The following MTRF1 variants were observed in gnomAD, a reference collection of about 807,000 sequenced individuals.
MTRF1 encodes the protein mitochondrial translation release factor 1.
MTRF1 carries 51 observed loss-of-function variants against 62.9 expected under a neutral mutation model. The observed-to-expected ratio is 0.81, with a 90% CI of 0.65 to 1.02. The LOEUF is 1.02. MTRF1 is among the 50% of genes least tolerant of loss of function. MTRF1 has a pLI of 0.00. For synonymous variants in MTRF1, 158 were observed against 181.9 expected (o/e 0.87, Z 1.06); for missense variants, 446 against 530.0 (o/e 0.84, Z 1.56).
chr13:41,260,080 T>C (rs2040263429), intron 2 of MTRF1, among the ~76,000 whole-genome samples: 1 of 152,228 alleles, frequency 6.6e-6, no homozygotes, highest in African/African-American at 2.4e-5. Context: ...ACTTAGTACA[T>C]TGATCTTTAG....
the MTRF1 span, among the ~76,000 whole-genome samples, chr13:41,296,146 A>G: frequency 6.6e-6 from 1 of 152,092 alleles, no homozygotes; most frequent in African/African-American, 2.4e-5. Context: ...AGGTCTCCCT[A>G]TGTTGCCCAA....
intron 5 of MTRF1, among the ~76,000 whole-genome samples, chr13:41,249,619 C>CTTTTTTTTTTTATTTTTTTTT (rs2038774612): frequency 1.6e-5 from 1 of 61,530 alleles, no homozygotes; most frequent in Non-Finnish European, 2.7e-5. Context: ...ATTTTTTTTT[C>CTTTTTTTTTTTATTTTTTTTT]TTTTTTTTTT....
intron 2 of MTRF1, among the ~76,000 whole-genome samples, chr13:41,258,189 T>C (rs558707704): frequency 1.2e-4 from 19 of 152,158 alleles, no homozygotes; most frequent in Middle Eastern, 3.2e-3. Flanking sequence ...GTACCATCAA[T>C]AGAAGGCAGA....
At chr13:41,241,800 C>G (rs2037533753) in intron 5 of MTRF1, among the ~76,000 whole-genome samples, 1 of 152,210 alleles carries the variant, frequency 6.6e-6, no homozygotes, top group Admixed American at 6.5e-5. Context: ...CTGCTGCCCT[C>G]TGTATCGGCA....
chr13:41,237,243 T>C lies in MTRF1; in HGVS notation c.870+3018A>G, dbSNP rs150569917. On this transcript the variant is annotated intron_variant, in intron 6 of 9. Transcript: ENST00000379480. ...CAAAAAAAAAAAAAAAAAAAAAGAA[T>C]ATGACAATAAAAACAGGGTAAGTGG... Among the ~76,000 whole-genome samples the C allele has an allele frequency of 1.4e-3, 146 of 102,202 alleles. 1 individual carries two copies. The highest frequency in any genetic ancestry group is 0.011 in the Admixed American group (113 of 10,036). The allele number at this position is 102,202 out of a possible 152,430, so 67.0% of individuals were successfully genotyped here.
At chr13:41,297,769 G>A in the MTRF1 span, among the ~76,000 whole-genome samples, 2 of 151,816 alleles carry the variant, frequency 1.3e-5, no homozygotes, top group African/African-American at 4.8e-5. Context: ...TAGAGATGGG[G>A]TTTCACCATG....
the MTRF1 span, among the ~76,000 whole-genome samples, chr13:41,286,485 G>A: frequency 1.3e-5 from 2 of 152,200 alleles, no homozygotes; most frequent in African/African-American, 2.4e-5. Flanking sequence ...GCTTAGATAA[G>A]TGAACCTGCT....
Position 41,231,739 on chromosome 13 carries a change from C to G in MTRF1, c.988+2151G>C, listed in dbSNP as rs117854435. Among the ~76,000 whole-genome samples, 77 of 152,142 alleles carry G rather than the reference C, an allele frequency of 5.1e-4. No individual in the cohort carries two copies. The East Asian group carries it at 0.013, about 25-fold the overall frequency. On this transcript the variant is annotated intron_variant, in intron 7 of 9. Coordinates refer to ENST00000379480, the MANE Select transcript of MTRF1 (RefSeq NM_004294.4). ...GACAGCCAAGAATTCCTAGAAATTT[C>G]CAACATGAAAGTAAGAATGGGCTGA...
Position 41,260,521 on chromosome 13 carries a change from T to A in MTRF1, c.387A>T (p.Ala129=). 1 of 1,613,612 alleles carries A rather than the reference T, an allele frequency of 6.2e-7. No homozygotes were observed. The highest frequency in any genetic ancestry group is 1.1e-5 in the South Asian group (1 of 91,064). Residue 129 remains alanine (A), a synonymous_variant, in exon 2 of 10, where the codon GCA becomes GCT. Transcript: ENST00000379480. ...IYQEIQETEQ[A]IEELESMCKS... ...TACACATTGATTCTAATTCTTCAAT[T>A]GCTTGTTCAGTCTCCTGAATTTCTT... is the stretch of plus-strand genomic sequence containing the variant.
At chr13:41,257,527 G>A (rs982497603) in intron 2 of MTRF1, 13 of 183,768 alleles carry the variant, frequency 7.1e-5, no homozygotes, top group African/African-American at 2.3e-4. Context: ...TTCTCCCCTC[G>A]CTGGCTGAGT....
chr13:41,257,954 A>G (rs1285734025), intron 2 of MTRF1, among the ~76,000 whole-genome samples: 1 of 152,234 alleles, frequency 6.6e-6, no homozygotes, highest in Non-Finnish European at 1.5e-5. Flanking sequence ...ATTATTATAG[A>G]AAAATTGTAG....
chr13:41,278,498 G>A, the MTRF1 span, among the ~76,000 whole-genome samples: 2 of 152,198 alleles, frequency 1.3e-5, no homozygotes, highest in African/African-American at 4.8e-5. Context: ...GTCATTTACG[G>A]CCTATGCTCT....
chr13:41,281,063 C>A, the MTRF1 span, among the ~76,000 whole-genome samples: 1 of 152,192 alleles, frequency 6.6e-6, no homozygotes. Context: ...TTGTCCCCAC[C>A]TCCTCTTTCC....
intron 5 of MTRF1, among the ~76,000 whole-genome samples, chr13:41,248,612 T>C (rs2038606374): frequency 6.6e-6 from 1 of 152,200 alleles, no homozygotes; most frequent in East Asian, 1.9e-4. Context: ...ATCACAGAGC[T>C]CTTGAAGGAT....
the MTRF1 span, among the ~76,000 whole-genome samples, chr13:41,284,163 G>A: frequency 6.7e-6 from 1 of 150,232 alleles, no homozygotes; most frequent in Non-Finnish European, 1.5e-5. Context: ...GCAACATGGG[G>A]AGACACCATC....
upstream of MTRF1, among the ~76,000 whole-genome samples, chr13:41,267,725 G>A (rs1307510829): frequency 6.6e-6 from 1 of 151,950 alleles, no homozygotes; most frequent in Non-Finnish European, 1.5e-5. Context: ...AATTAGCCAG[G>A]TGTGGTTCTG....
rs111844601 is a variant in MTRF1 at position 41,252,956 on chromosome 13, A to T, written c.582T>A (p.Thr194=). ...TAAAGTAAGTTTACTGACCTCCAGTAGTCCTTCCAGCTGTCACCTCTAAAA... is the reference window on the plus strand; with the variant it reads ...TAAAGTAAGTTTACTGACCTCCAGTTGTCCTTCCAGCTGTCACCTCTAAAA... ...DVILEVTAGR[T]TGGDICQQFT... Residue 194 remains threonine, a synonymous_variant, in exon 4 of 10, where the codon ACT becomes ACA. Transcript: ENST00000379480. The T allele has an allele frequency of 1.1e-3, 1,775 of 1,599,398 alleles. 9 individuals carry two copies. The African/African-American group carries it at 0.015, about 13-fold the overall frequency.
intron 9 of MTRF1, among the ~76,000 whole-genome samples, chr13:41,217,810 C>T (rs568062582): frequency 7.9e-5 from 12 of 152,320 alleles, no homozygotes; most frequent in Middle Eastern, 3.4e-3. Context: ...AAGCCTCCCC[C>T]GACCATTCAA....
intron 5 of MTRF1, 87 bp from the exon 6 acceptor site, chr13:41,240,520 G>T: frequency 7.9e-7 from 1 of 1,268,222 alleles, no homozygotes; most frequent in Non-Finnish European, 1.1e-6. Flanking sequence ...AGGCCTGAAT[G>T]TTGAGTACAG....
Sources: gnomAD v4.1 joint callset for allele counts (sites outside exome capture counted in the v4.1 genomes callset) on GRCh38, gnomAD v4.1.1 for gene constraint, MANE v1.5 for transcripts, NCBI Gene and HGNC (gene_info 2026-07-23, HGNC 2026-07-21) for gene names.